The following PTPRD variants were observed in gnomAD, a reference collection of about 807,000 sequenced individuals.
PTPRD encodes the protein receptor-type tyrosine-protein phosphatase delta.
Under a neutral mutation model 214.5 loss-of-function variants are expected in PTPRD, and 34 were observed. The observed-to-expected ratio is 0.16, with a 90% CI of 0.12 to 0.21. The LOEUF is 0.21. PTPRD is among the 10% of genes least tolerant of loss of function. The pLI, the probability that PTPRD is intolerant of heterozygous loss-of-function variation, is 1.00. For missense variants in PTPRD, 2,545 were observed against 2,398.7 expected (o/e 1.06, Z -1.27); for synonymous variants, 1,128 against 845.7 (o/e 1.33, Z -5.79).
intron 8 of PTPRD, among the ~76,000 whole-genome samples, chr9:9,513,611 T>A (rs56255645): frequency 0.24 from 11,033 of 45,278 alleles, 523 homozygotes; most frequent in African/African-American, 0.46. Context: ...ATAAAAAATC[T>A]CAGTCTCATT....
At chr9:10,461,150 C>G (rs1029464259) in intron 2 of PTPRD, among the ~76,000 whole-genome samples, 3 of 151,842 alleles carry the variant, frequency 2.0e-5, no homozygotes, top group Non-Finnish European at 2.9e-5. Flanking sequence ...AAGTGCTCAA[C>G]ACCACTAATT....
intron 9 of PTPRD, among the ~76,000 whole-genome samples, chr9:9,309,851 C>T (rs573493519): frequency 4.6e-5 from 7 of 152,122 alleles, no homozygotes; most frequent in African/African-American, 1.7e-4. Context: ...AATAGTGGCT[C>T]TATTCTTAAG....
intron 7 of PTPRD, among the ~76,000 whole-genome samples, chr9:9,580,001 G>C (rs73388936): frequency 3.3e-5 from 5 of 151,992 alleles, no homozygotes; most frequent in Non-Finnish European, 7.4e-5. Flanking sequence ...ATGACCTCCA[G>C]TTCCATCCAT....
chr9:9,340,868 T>C (rs1469155246), intron 9 of PTPRD, among the ~76,000 whole-genome samples: 1 of 152,160 alleles, frequency 6.6e-6, no homozygotes, highest in East Asian at 1.9e-4. Flanking sequence ...ATATAATTCA[T>C]TTTACCCAGC....
intron 39 of PTPRD, among the ~76,000 whole-genome samples, chr9:8,363,091 C>T (rs2078909071): frequency 6.6e-6 from 1 of 152,140 alleles, no homozygotes; most frequent in Non-Finnish European, 1.5e-5. Flanking sequence ...TAGATTATAT[C>T]TGGAGACCAT....
At chr9:10,177,900 T>C (rs1393111183) in intron 3 of PTPRD, among the ~76,000 whole-genome samples, 1 of 151,890 alleles carries the variant, frequency 6.6e-6, no homozygotes, top group Non-Finnish European at 1.5e-5. Flanking sequence ...AAAAAGATTA[T>C]CTACATCAAA....
chr9:8,768,826 G>T (rs1483974300), intron 11 of PTPRD, among the ~76,000 whole-genome samples: 1 of 152,096 alleles, frequency 6.6e-6, no homozygotes, highest in Non-Finnish European at 1.5e-5. Context: ...AAGTAACCTA[G>T]CTCTTCTTTT....
At chr9:10,284,374 T>A (rs1349108896) in intron 3 of PTPRD, among the ~76,000 whole-genome samples, 1 of 152,208 alleles carries the variant, frequency 6.6e-6, no homozygotes, top group East Asian at 1.9e-4. Flanking sequence ...TTTTTAATGT[T>A]AGGATCAACC....
At chr9:9,765,514 G>C (rs574939256) in intron 6 of PTPRD, among the ~76,000 whole-genome samples, 6 of 152,172 alleles carry the variant, frequency 3.9e-5, no homozygotes, top group African/African-American at 1.4e-4. Context: ...GGGGCTGGAA[G>C]AACCTTGAAT....
chr9:10,565,602 C>T (rs751213454), intron 2 of PTPRD, among the ~76,000 whole-genome samples: 8 of 152,052 alleles, frequency 5.3e-5, no homozygotes, highest in Non-Finnish European at 1.2e-4. Flanking sequence ...TAAACACACA[C>T]AAACACACCC....
At chr9:9,837,080 C>G (rs1321321542) in intron 5 of PTPRD, among the ~76,000 whole-genome samples, 6 of 151,960 alleles carry the variant, frequency 3.9e-5, no homozygotes, top group Admixed American at 3.9e-4. Context: ...CATTCTTTTC[C>G]CTATGTTATG....
intron 2 of PTPRD, among the ~76,000 whole-genome samples, chr9:10,397,362 T>A (rs1266879065): frequency 1.3e-5 from 2 of 152,016 alleles, no homozygotes; most frequent in Non-Finnish European, 2.9e-5. Flanking sequence ...AGTAACTAGG[T>A]CATGAAAGTG....
intron 3 of PTPRD, among the ~76,000 whole-genome samples, chr9:10,055,326 G>A (rs1314588187): frequency 6.6e-6 from 1 of 152,120 alleles, no homozygotes; most frequent in Admixed American, 6.6e-5. Context: ...AGTTTACAAA[G>A]ATCGGCATGA....
chr9:8,388,878 G>C (rs2088289279), intron 37 of PTPRD, among the ~76,000 whole-genome samples: 1 of 152,106 alleles, frequency 6.6e-6, no homozygotes, highest in African/African-American at 2.4e-5. Context: ...ATATTGGTGG[G>C]ATTCTCCCCA....
intron 5 of PTPRD, among the ~76,000 whole-genome samples, chr9:9,928,970 G>C (rs1012918691): frequency 1.3e-5 from 2 of 152,094 alleles, no homozygotes; most frequent in African/African-American, 2.4e-5. Flanking sequence ...TTATAAAATA[G>C]AGACTATTTA....
intron 9 of PTPRD, among the ~76,000 whole-genome samples, chr9:9,255,815 T>C (rs2099977466): frequency 6.6e-6 from 1 of 152,084 alleles, no homozygotes; most frequent in East Asian, 1.9e-4. Context: ...TTTATGACTG[T>C]ATACTTCATA....
intron 11 of PTPRD, among the ~76,000 whole-genome samples, chr9:8,936,990 A>G (rs931370953): frequency 6.6e-6 from 1 of 152,200 alleles, no homozygotes; most frequent in African/African-American, 2.4e-5. Flanking sequence ...TGTTTTTGGT[A>G]ACAAGTAAGA....
intron 11 of PTPRD, among the ~76,000 whole-genome samples, chr9:8,910,970 C>T (rs183489223): frequency 1.3e-5 from 2 of 152,256 alleles, no homozygotes; most frequent in Admixed American, 1.3e-4. Flanking sequence ...AATGGAGAGA[C>T]ATTCCATATT....
intron 10 of PTPRD, among the ~76,000 whole-genome samples, chr9:9,088,952 G>T (rs2099771591): frequency 6.6e-6 from 1 of 152,148 alleles, no homozygotes; most frequent in South Asian, 2.1e-4. Context: ...CTAGGACTGT[G>T]CCAGAACAAT....
Sources: allele counts gnomAD v4.1 joint callset (sites outside exome capture counted in the v4.1 genomes callset), GRCh38; gene constraint gnomAD v4.1.1; transcripts MANE v1.5; gene names NCBI Gene and HGNC (gene_info 2026-07-23, HGNC 2026-07-21).